Variants in APP observed in about 807,000 individuals in gnomAD.
The protein encoded by APP is amyloid-beta precursor protein.
Under a neutral mutation model 101.4 loss-of-function variants are expected in APP, and 31 were observed. The observed-to-expected ratio is 0.31, with a 90% CI of 0.23 to 0.41. The LOEUF (loss-of-function observed/expected upper bound fraction) is 0.41, where lower values mean the gene tolerates loss of function less well. Among genes scored for constraint, APP ranks in the 10% least tolerant of loss-of-function variants. The pLI is 1.00. For synonymous variants in APP, 366 were observed against 364.4 expected, an observed-to-expected ratio of 1.00 and a Z score of -0.05; for missense variants, 839 against 1,003.7, an observed-to-expected ratio of 0.84 and a Z score of 2.22.
At position 26,057,473 on chromosome 21, in the gene APP, C is replaced by CCACACACACACA; in HGVS notation, c.356-4137_356-4126dup. 2.0e-5 allele frequency among the ~76,000 whole-genome samples: 3 copies of CCACACACACACA among 149,066 alleles called. No individual in the cohort carries two copies. The East Asian group carries it at 5.9e-4, about 29-fold the overall frequency. ...TTATATTCAAAACGCATGTCACACA[C>CCACACACACACA]CACACACACACACACACACACACAC... On this transcript the variant is annotated intron_variant, in intron 3 of 17. Transcript: ENST00000346798.
At chr21:26,014,101 T>C (rs2043944417) in intron 6 of APP, among the ~76,000 whole-genome samples, 1 of 152,192 alleles carries the variant, frequency 6.6e-6, no homozygotes, top group Admixed American at 6.5e-5. Flanking sequence ...GGAGGAGCCA[T>C]TACCCTTTTG....
chr21:25,908,500 G>A (rs1569039531), intron 14 of APP, among the ~76,000 whole-genome samples: 2 of 152,116 alleles, frequency 1.3e-5, no homozygotes, highest in Admixed American at 6.5e-5. Context: ...GTGTGCACAT[G>A]TCTGTACAAA....
At chr21:25,914,711 GC>G (rs2039267496) in intron 13 of APP, among the ~76,000 whole-genome samples, 1 of 151,940 alleles carries the variant, frequency 6.6e-6, no homozygotes, top group Admixed American at 6.6e-5. Context: ...CCGCCACCAC[GC>G]CCGGCTAATT....
intron 1 of APP, among the ~76,000 whole-genome samples, chr21:26,150,939 GCTCCAAATACCTA>G (rs1375957941): frequency 6.6e-6 from 1 of 152,044 alleles, no homozygotes; most frequent in African/African-American, 2.4e-5. Flanking sequence ...CACTGTCTTT[GCTCCAAATACCTA>G]TAATGTGAAA....
In APP at chr21:26,139,842, T is replaced by G. The variant is rs552265396; in HGVS notation, c.58-27696A>C. On this transcript the variant is annotated intron_variant, in intron 1 of 17. Coordinates refer to ENST00000346798, the MANE Select transcript of APP (RefSeq NM_000484.4). ...ATGCAGTGAGCCAATATCGGGCCAC[T>G]GCACTCCAGCCTGGCAACAGAGCGA... 1.8e-4 allele frequency among the ~76,000 whole-genome samples: 27 copies of G among 152,224 alleles called. No homozygotes were observed. The East Asian group carries it at 5.2e-3, about 29-fold the overall frequency.
At chr21:25,941,038 A>G (rs1224997327) in intron 13 of APP, among the ~76,000 whole-genome samples, 1 of 152,242 alleles carries the variant, frequency 6.6e-6, no homozygotes, top group African/African-American at 2.4e-5. Flanking sequence ...TTTATACCTA[A>G]TAATTTGTTT....
At chr21:25,984,099 A>C (rs1163003752) in intron 8 of APP, among the ~76,000 whole-genome samples, 3 of 152,196 alleles carry the variant, frequency 2.0e-5, no homozygotes, top group African/African-American at 7.2e-5. Flanking sequence ...GAGCTCATAC[A>C]TGTTAGTGGC....
At chr21:26,151,541 A>G (rs1335544955) in intron 1 of APP, among the ~76,000 whole-genome samples, 1 of 152,194 alleles carries the variant, frequency 6.6e-6, no homozygotes, top group Non-Finnish European at 1.5e-5. Context: ...AGCAATTTAT[A>G]GCAGTGGTCC....
intron 2 of APP, among the ~76,000 whole-genome samples, chr21:26,102,082 G>GTTTTTTT (rs35680514): frequency 2.0e-5 from 2 of 101,142 alleles, no homozygotes; most frequent in African/African-American, 3.9e-5. Flanking sequence ...AAACTATGTG[G>GTTTTTTT]TTTTTTTTTT....
chr21:25,882,343 T>C (rs763830898), intron 17 of APP, among the ~76,000 whole-genome samples: 11 of 149,378 alleles, frequency 7.4e-5, no homozygotes, highest in Non-Finnish European at 1.5e-4. Context: ...AACAATAACA[T>C]ATACCAAAGG....
At chr21:26,006,185 G>C (rs1387095748) in intron 6 of APP, among the ~76,000 whole-genome samples, 1 of 152,132 alleles carries the variant, frequency 6.6e-6, no homozygotes, top group African/African-American at 2.4e-5. Context: ...ATTTCCTAAA[G>C]AGAAATGTTA....
At chr21:26,040,976 T>C (rs2045349782) in intron 5 of APP, among the ~76,000 whole-genome samples, 1 of 152,228 alleles carries the variant, frequency 6.6e-6, no homozygotes, top group African/African-American at 2.4e-5. Context: ...TGTTACTTTG[T>C]AAACAGGGAG....
At position 25,975,203 on chromosome 21, in the gene APP, A is replaced by G. The variant is rs749605439; in HGVS notation, c.1325T>C (p.Leu442Ser). Residue 442 changes from leucine (L) to serine (S), a missense_variant, in exon 11 of 18, where the codon TTG (leucine) becomes TCG (serine). Physicochemically the swap from Leu to Ser is moderately radical, Grantham distance 145 (BLOSUM62 -2). Coordinates refer to ENST00000346798, the MANE Select transcript of APP (RefSeq NM_000484.4). ...IQHFQEKVES[L>S]EQEAANERQQ... ...TCTCTCGTTGGCTGCTTCCTGTTCCAAAGATTCCACTTTCTCCTGGAAATG... is the reference window on the plus strand; with the variant it reads ...TCTCTCGTTGGCTGCTTCCTGTTCCGAAGATTCCACTTTCTCCTGGAAATG... 1.2e-6 allele frequency: 2 copies of G among 1,614,032 alleles called. No homozygotes were observed. Among genetic ancestry groups the G allele is most frequent in the African/African-American group, 1.3e-5 (1 of 74,896 alleles).
intron 3 of APP, among the ~76,000 whole-genome samples, chr21:26,065,142 C>T (rs1362852236): frequency 4.6e-5 from 7 of 152,192 alleles, no homozygotes; most frequent in African/African-American, 1.7e-4. Flanking sequence ...GCACCGGCCA[C>T]CCCGCCCGGC....
chr21:26,014,305 G>T (rs553935006), intron 6 of APP, among the ~76,000 whole-genome samples: 8 of 152,166 alleles, frequency 5.3e-5, no homozygotes, highest in Admixed American at 1.3e-4. Flanking sequence ...AGGATACCTT[G>T]TAAGTGTCAT....
chr21:25,890,714 G>C lies in APP; in HGVS notation c.2211+1008C>G, dbSNP rs1387624644. Among the ~76,000 whole-genome samples, 11 of 108,654 alleles carry C rather than the reference G, an allele frequency of 1.0e-4. No individual in the cohort carries two copies. The Admixed American group carries it at 1.2e-3, about 11-fold the overall frequency. 71.3% of individuals were successfully genotyped at this position (108,654 alleles called of 152,430 possible). On this transcript the variant is annotated intron_variant, in intron 17 of 17. Transcript: ENST00000346798. Reference sequence around the variant, plus strand: ...AGATCCAGCCTGGGCAACAGCGCGAGACTGTCTCAAAAAAAAAAAAAAAAA... The same window carrying C: ...AGATCCAGCCTGGGCAACAGCGCGACACTGTCTCAAAAAAAAAAAAAAAAA...
intron 2 of APP, among the ~76,000 whole-genome samples, chr21:26,092,759 G>A (rs1307180305): frequency 1.3e-5 from 2 of 152,144 alleles, no homozygotes; most frequent in African/African-American, 4.8e-5. Flanking sequence ...TATAATAGGA[G>A]AGGCTAAGCA....
chr21:26,122,772 A>G (rs143171471), intron 1 of APP, among the ~76,000 whole-genome samples: 2 of 151,824 alleles, frequency 1.3e-5, no homozygotes, highest in Admixed American at 6.5e-5. Flanking sequence ...GATTTTAATA[A>G]AATTTTTTAT....
At chr21:25,925,903 C>T (rs752294044) in intron 13 of APP, among the ~76,000 whole-genome samples, 7 of 152,188 alleles carry the variant, frequency 4.6e-5, no homozygotes, top group African/African-American at 9.7e-5. Flanking sequence ...GCCAACTGCA[C>T]GCCATCCTGG....
Sources: gnomAD v4.1 joint callset for allele counts (sites outside exome capture counted in the v4.1 genomes callset) on GRCh38, gnomAD v4.1.1 for gene constraint, MANE v1.5 for transcripts, NCBI Gene and HGNC (gene_info 2026-07-23, HGNC 2026-07-21) for gene names.